The following NTRK2 variants were observed in gnomAD, a reference collection of about 807,000 sequenced individuals.
NTRK2 encodes BDNF/NT-3 growth factors receptor.
In NTRK2, 13 loss-of-function variants were observed where a neutral mutation model predicts 94.5. The ratio of observed to expected loss-of-function variants is 0.14; its 90% CI spans 0.09 to 0.22. NTRK2 has a LOEUF of 0.22. Among genes scored for constraint, NTRK2 ranks in the 10% least tolerant of loss-of-function variants. The probability of loss-of-function intolerance (pLI) is 1.00; values close to 1 mark genes in which losing one functional copy is unlikely to be tolerated. For synonymous variants in NTRK2, 372 were observed against 407.4 expected, an observed-to-expected ratio of 0.91 and a Z score of 1.05; for missense variants, 639 against 1,071.2, an observed-to-expected ratio of 0.60 and a Z score of 5.63.
chr9:84,911,808 A>G (rs985551355), intron 14 of NTRK2, among the ~76,000 whole-genome samples: 2 of 151,782 alleles, frequency 1.3e-5, no homozygotes, highest in Admixed American at 1.3e-4. Flanking sequence ...TTTTGGGTTT[A>G]TACTGCTTTC....
intron 12 of NTRK2, among the ~76,000 whole-genome samples, chr9:84,806,025 A>G (rs1373582755): frequency 1.3e-5 from 2 of 152,242 alleles, no homozygotes; most frequent in Admixed American, 1.3e-4. Flanking sequence ...ATTCTGTTAT[A>G]AGCAACAGAA....
intron 14 of NTRK2, among the ~76,000 whole-genome samples, chr9:84,882,134 A>G (rs552985267): frequency 5.5e-4 from 84 of 152,074 alleles, no homozygotes; most frequent in Non-Finnish European, 1.0e-3. Flanking sequence ...TAATGCACAC[A>G]CTGAATTCGT....
chr9:84,900,904 A>G (rs1304241502), intron 14 of NTRK2, among the ~76,000 whole-genome samples: 1 of 152,216 alleles, frequency 6.6e-6, no homozygotes, highest in Non-Finnish European at 1.5e-5. Context: ...TGCAAGCATC[A>G]AGAAGCCACA....
intron 12 of NTRK2, among the ~76,000 whole-genome samples, chr9:84,824,254 T>C (rs922233446): frequency 4.6e-5 from 7 of 152,176 alleles, no homozygotes; most frequent in African/African-American, 1.7e-4. Flanking sequence ...GGGCACACAA[T>C]GGCAGTAACA....
chr9:84,748,981 C>G (rs1737501959), intron 11 of NTRK2, among the ~76,000 whole-genome samples: 1 of 152,084 alleles, frequency 6.6e-6, no homozygotes, highest in Non-Finnish European at 1.5e-5. Context: ...GCCTGTAATC[C>G]CAGGACTTAG....
intron 17 of NTRK2, among the ~76,000 whole-genome samples, chr9:84,975,219 C>G (rs1029989819): frequency 6.6e-6 from 1 of 152,158 alleles, no homozygotes; most frequent in Non-Finnish European, 1.5e-5. Context: ...TTTTTTCCCC[C>G]CTCTTTCCCA....
rs1012272605 is a variant in NTRK2 at position 84,670,663 on chromosome 9, C to T, written c.-86C>T. 3.0e-6 allele frequency: 4 copies of T among 1,346,494 alleles called. No individual in the cohort carries two copies. The African/African-American group carries it at 5.7e-5, about 19-fold the overall frequency. The allele number at this position is 1,346,494 out of a possible 1,614,324, so 83.4% of individuals were successfully genotyped here. A position where few individuals can be genotyped will look rare whatever the true frequency, so the allele number is the denominator to read the frequency against. On this transcript the variant is annotated 5_prime_UTR_variant, in exon 2 of 19. Coordinates refer to ENST00000277120, the MANE Select transcript of NTRK2 (RefSeq NM_006180.6). ...ACCGAGGAGTTAAGAGAGCCGCAAG[C>T]GCAGGGAAGGCCTCCCCGCACGGGT... is the stretch of plus-strand genomic sequence containing the variant.
At chr9:84,867,132 T>C (rs1393072327) in intron 13 of NTRK2, 111 bp from the exon 14 acceptor site, 7 of 1,017,570 alleles carry the variant, frequency 6.9e-6, no homozygotes, top group Admixed American at 2.0e-5. Flanking sequence ...TCTGTGAATA[T>C]ACTAAAACCC....
intron 14 of NTRK2, among the ~76,000 whole-genome samples, chr9:84,878,221 T>G (rs1434771599): frequency 6.6e-6 from 1 of 152,194 alleles, no homozygotes; most frequent in African/African-American, 2.4e-5. Flanking sequence ...GCAAAAGATC[T>G]ATGAAGAAAA....
intron 17 of NTRK2, among the ~76,000 whole-genome samples, chr9:85,001,058 C>G (rs1192945748): frequency 2.6e-5 from 4 of 152,182 alleles, no homozygotes; most frequent in Admixed American, 1.3e-4. Context: ...ACTTTCAGTT[C>G]ACTTTTAGTT....
At chr9:84,804,127 C>T (rs1340929309) in intron 12 of NTRK2, among the ~76,000 whole-genome samples, 1 of 152,088 alleles carries the variant, frequency 6.6e-6, no homozygotes, top group Non-Finnish European at 1.5e-5. Flanking sequence ...TTATTTTCAC[C>T]TACACTCTTT....
chr9:84,695,748 A>G (rs1278681346), intron 2 of NTRK2, among the ~76,000 whole-genome samples: 1 of 152,188 alleles, frequency 6.6e-6, no homozygotes, highest in Non-Finnish European at 1.5e-5. Context: ...TTATTTAAAT[A>G]TATATAAACA....
At chr9:84,788,288 A>T (rs2068332742) in intron 12 of NTRK2, among the ~76,000 whole-genome samples, 1 of 152,238 alleles carries the variant, frequency 6.6e-6, no homozygotes, top group Non-Finnish European at 1.5e-5. Flanking sequence ...AATGAAAATG[A>T]AATTAACAAA....
chr9:84,730,165 GC>G (rs2062738253), intron 9 of NTRK2, among the ~76,000 whole-genome samples: 1 of 152,044 alleles, frequency 6.6e-6, no homozygotes, highest in South Asian at 2.1e-4. Context: ...ATTAATAACT[GC>G]TTTCAGAAAA....
chr9:84,918,289 A>G (rs984496137), intron 14 of NTRK2, among the ~76,000 whole-genome samples: 2 of 152,156 alleles, frequency 1.3e-5, no homozygotes, highest in Non-Finnish European at 2.9e-5. Context: ...ATATGCATTG[A>G]TGTCTTCCTA....
At chr9:84,801,151 A>G (rs2070393038) in intron 12 of NTRK2, among the ~76,000 whole-genome samples, 1 of 151,994 alleles carries the variant, frequency 6.6e-6, no homozygotes, top group African/African-American at 2.4e-5. Context: ...AACCTGTTAG[A>G]TTTTTTTTCA....
intron 2 of NTRK2, among the ~76,000 whole-genome samples, chr9:84,690,506 A>G (rs1443611245): frequency 6.6e-6 from 1 of 151,806 alleles, no homozygotes; most frequent in Non-Finnish European, 1.5e-5. Context: ...TTGAAAGAAC[A>G]GGGAAAGAGG....
intron 12 of NTRK2, among the ~76,000 whole-genome samples, chr9:84,788,859 G>A (rs1265996698): frequency 6.6e-6 from 1 of 152,132 alleles, no homozygotes; most frequent in Non-Finnish European, 1.5e-5. Flanking sequence ...CTCCCAGGCA[G>A]TGAGAAACAA....
chr9:84,779,468 A>C (rs1461030414), intron 12 of NTRK2, among the ~76,000 whole-genome samples: 1 of 152,218 alleles, frequency 6.6e-6, no homozygotes, highest in Non-Finnish European at 1.5e-5. Context: ...TTTGTGGTGA[A>C]GGCAAAAATA....
Sources: gnomAD v4.1 joint callset for allele counts (sites outside exome capture counted in the v4.1 genomes callset) on GRCh38, gnomAD v4.1.1 for gene constraint, MANE v1.5 for transcripts, NCBI Gene and HGNC (gene_info 2026-07-23, HGNC 2026-07-21) for gene names.